STAG1: variants seen among roughly 807,000 people sequenced by gnomAD.
The protein encoded by STAG1 is cohesin subunit SA-1.
A neutral mutation model predicts 170.9 loss-of-function variants in STAG1; 26 were observed. That is an observed-to-expected ratio of 0.15 (90% confidence interval 0.11 to 0.21). The LOEUF is 0.21. Among genes scored for constraint, STAG1 ranks in the 10% least tolerant of loss-of-function variants. The probability of loss-of-function intolerance (pLI) is 1.00; values close to 1 mark genes in which losing one functional copy is unlikely to be tolerated. For missense variants in STAG1, 964 were observed against 1,509.5 expected (o/e 0.64, Z 5.99); for synonymous variants, 514 against 497.7 (o/e 1.03, Z -0.44).
intron 1 of STAG1, among the ~76,000 whole-genome samples, chr3:136,695,078 C>T (rs1942844910): frequency 1.3e-5 from 2 of 152,226 alleles, no homozygotes; most frequent in Non-Finnish European, 2.9e-5. Flanking sequence ...AGGTATATGT[C>T]CAATTTAGAC....
intron 7 of STAG1, among the ~76,000 whole-genome samples, chr3:136,513,102 T>C (rs1934158251): frequency 1.3e-5 from 2 of 151,902 alleles, no homozygotes; most frequent in African/African-American, 2.4e-5. Flanking sequence ...GTGTAGGGCC[T>C]CCCAGCCCTT....
intron 6 of STAG1, among the ~76,000 whole-genome samples, chr3:136,532,372 A>G (rs1328373415): frequency 2.6e-5 from 4 of 152,154 alleles, no homozygotes; most frequent in Non-Finnish European, 5.9e-5. Context: ...TTTTGCTAAC[A>G]GGGTAATGCT....
intron 1 of STAG1, among the ~76,000 whole-genome samples, chr3:136,690,291 C>T (rs936532519): frequency 6.6e-6 from 1 of 152,160 alleles, no homozygotes; most frequent in African/African-American, 2.4e-5. Flanking sequence ...GGCTGGAGTG[C>T]AGTGGCACAA....
chr3:136,685,896 G>A (rs1379195509), intron 1 of STAG1, among the ~76,000 whole-genome samples: 3 of 141,888 alleles, frequency 2.1e-5, no homozygotes, highest in African/African-American at 8.5e-5. Context: ...AAAGACTGAG[G>A]TGGTCTTTAG....
chr3:136,470,386 T>C (rs1442257569), intron 12 of STAG1, among the ~76,000 whole-genome samples: 7 of 152,192 alleles, frequency 4.6e-5, no homozygotes, highest in African/African-American at 1.4e-4. Context: ...CGTGAAATAA[T>C]GCTCATCATC....
chr3:136,520,144 C>T (rs1367695899), intron 7 of STAG1, among the ~76,000 whole-genome samples: 1 of 151,988 alleles, frequency 6.6e-6, no homozygotes, highest in African/African-American at 2.4e-5. Flanking sequence ...ACAGGTTAAG[C>T]CAAAAAATAA....
At chr3:136,366,010 T>C (rs1223434474) in intron 25 of STAG1, among the ~76,000 whole-genome samples, 3 of 151,848 alleles carry the variant, frequency 2.0e-5, no homozygotes, top group Non-Finnish European at 4.4e-5. Flanking sequence ...AAGTCTTCTC[T>C]TGCTCCTCTC....
chr3:136,714,593 T>G (rs1374081345), intron 1 of STAG1, among the ~76,000 whole-genome samples: 3 of 151,952 alleles, frequency 2.0e-5, no homozygotes, highest in Admixed American at 2.0e-4. Flanking sequence ...CCGGGCGTGG[T>G]GGCGGGCGCC....
At chr3:136,566,636 A>T (rs1937084547) in intron 5 of STAG1, among the ~76,000 whole-genome samples, 1 of 152,204 alleles carries the variant, frequency 6.6e-6, no homozygotes, top group Admixed American at 6.5e-5. Context: ...CTTTGTTGAA[A>T]AGGCTAAGAA....
At chr3:136,391,615 T>C (rs561011272) in intron 22 of STAG1, among the ~76,000 whole-genome samples, 182 of 152,334 alleles carry the variant, frequency 1.2e-3, no homozygotes, top group African/African-American at 4.1e-3. Context: ...GACCTTGTGA[T>C]CTGCCCGCCT....
intron 4 of STAG1, among the ~76,000 whole-genome samples, chr3:136,571,701 C>T (rs894329441): frequency 1.3e-5 from 2 of 151,516 alleles, no homozygotes; most frequent in Non-Finnish European, 2.9e-5. Context: ...CAAAGACCCT[C>T]ATCTCTACCA....
intron 28 of STAG1, among the ~76,000 whole-genome samples, chr3:136,356,896 G>T (rs986612167): frequency 6.6e-6 from 1 of 151,346 alleles, no homozygotes; most frequent in Non-Finnish European, 1.5e-5. Context: ...GGGACTACAG[G>T]CATGCACCAC....
intron 24 of STAG1, among the ~76,000 whole-genome samples, chr3:136,368,608 T>C (rs547048941): frequency 7.2e-5 from 11 of 152,264 alleles, no homozygotes; most frequent in East Asian, 3.9e-4. Context: ...CATTACACCA[T>C]AGTTTGTAAT....
rs1051721490 is a variant in STAG1, at chr3:136,712,999, G to A, written c.-84+39196C>T. ...CCAGCTACTCAGGAGGCTGAGGCAG[G>A]AGAACCACTTGGAACCCGGGAGGCA... On this transcript the variant is annotated intron_variant, in intron 1 of 33. Coordinates refer to ENST00000383202, the MANE Select transcript of STAG1 (RefSeq NM_005862.3). Among the ~76,000 whole-genome samples the A allele has an allele frequency of 5.9e-5, 9 of 152,162 alleles. 1 individual carries two copies. The South Asian group carries it at 1.9e-3, about 32-fold the overall frequency.
chr3:136,683,016 AT>A (rs1466735891), intron 1 of STAG1, among the ~76,000 whole-genome samples: 1 of 152,216 alleles, frequency 6.6e-6, no homozygotes, highest in Admixed American at 6.5e-5. Flanking sequence ...TCAGACACAA[AT>A]ATACAAATAT....
chr3:136,502,944 A>G (rs1019155519), intron 7 of STAG1, among the ~76,000 whole-genome samples, 165 bp from the exon 8 acceptor site: 2 of 152,202 alleles, frequency 1.3e-5, no homozygotes, highest in African/African-American at 4.8e-5. Context: ...TATAGAAATA[A>G]ACTCATCTGC....
intron 22 of STAG1, among the ~76,000 whole-genome samples, chr3:136,396,739 G>A (rs1389153525): frequency 6.6e-6 from 1 of 150,564 alleles, no homozygotes; most frequent in Non-Finnish European, 1.5e-5. Context: ...TATTGGCCAG[G>A]CTGGTCTCGA....
intron 9 of STAG1, among the ~76,000 whole-genome samples, chr3:136,480,889 T>C (rs1311804295): frequency 8.4e-5 from 12 of 142,012 alleles, no homozygotes; most frequent in Middle Eastern, 3.3e-3. Context: ...TTGTCTGTTG[T>C]TGGTGTATAA....
intron 1 of STAG1, among the ~76,000 whole-genome samples, chr3:136,732,598 A>C (rs546881919): frequency 6.6e-6 from 1 of 152,206 alleles, no homozygotes; most frequent in Non-Finnish European, 1.5e-5. Context: ...TTATCATCTG[A>C]CCATTCTCAT....
Sources: allele counts gnomAD v4.1 joint callset (sites outside exome capture counted in the v4.1 genomes callset), GRCh38; gene constraint gnomAD v4.1.1; transcripts MANE v1.5; gene names NCBI Gene and HGNC (gene_info 2026-07-23, HGNC 2026-07-21).